Variants in MMS22L observed in about 807,000 individuals in gnomAD.
MMS22L encodes the protein MMS22 like, DNA repair protein, also known as protein MMS22-like.
Under a neutral mutation model 159.1 loss-of-function variants are expected in MMS22L, and 74 were observed. The observed-to-expected ratio is 0.47, with a 90% CI of 0.39 to 0.56. MMS22L has a LOEUF of 0.56. Among genes scored for constraint, MMS22L ranks in the 20% least tolerant of loss-of-function variants. The probability of loss-of-function intolerance (pLI) is 0.00; values close to 1 mark genes in which losing one functional copy is unlikely to be tolerated. For synonymous variants in MMS22L, 517 were observed against 506.9 expected, an observed-to-expected ratio of 1.02 and a Z score of -0.27; for missense variants, 1,351 against 1,422.1, an observed-to-expected ratio of 0.95 and a Z score of 0.80.
intron 14 of MMS22L, among the ~76,000 whole-genome samples, chr6:97,207,458 T>C (rs1562459172): frequency 6.6e-6 from 1 of 152,204 alleles, no homozygotes. Flanking sequence ...TACAACTATT[T>C]GCTTTAAAAA....
intron 14 of MMS22L, among the ~76,000 whole-genome samples, chr6:97,192,920 T>C (rs894526342): frequency 6.6e-6 from 1 of 152,206 alleles, no homozygotes; most frequent in Non-Finnish European, 1.5e-5. Flanking sequence ...ATGCTCTTAG[T>C]AAGCAGCAGA....
intron 14 of MMS22L, among the ~76,000 whole-genome samples, chr6:97,203,100 G>T (rs1462526917): frequency 6.6e-6 from 1 of 152,178 alleles, no homozygotes; most frequent in African/African-American, 2.4e-5. Context: ...ACTACTAGAA[G>T]AGACTTAAGC....
At chr6:97,190,302 A>AT (rs1805733982) in intron 14 of MMS22L, among the ~76,000 whole-genome samples, 1 of 152,194 alleles carries the variant, frequency 6.6e-6, no homozygotes, top group African/African-American at 2.4e-5. Context: ...ATGTAAGTAG[A>AT]TTTTTTGCAT....
At chr6:97,251,297 T>C (rs903553945) in intron 10 of MMS22L, among the ~76,000 whole-genome samples, 2 of 152,222 alleles carry the variant, frequency 1.3e-5, no homozygotes, top group South Asian at 4.1e-4. Context: ...ATTTAACCAC[T>C]GTGTATCTCA....
At chr6:97,179,644 A>T in intron 16 of MMS22L, 85 bp from the exon 17 acceptor site, 1 of 1,183,434 alleles carries the variant, frequency 8.4e-7, no homozygotes, top group Non-Finnish European at 1.1e-6. Flanking sequence ...ACATTCTAAC[A>T]TCCCTGCAAC....
At chr6:97,200,128 G>A (rs1806984618) in intron 14 of MMS22L, among the ~76,000 whole-genome samples, 1 of 152,052 alleles carries the variant, frequency 6.6e-6, no homozygotes, top group Non-Finnish European at 1.5e-5. Context: ...TGTTTAATAT[G>A]AATTCTATGT....
intron 14 of MMS22L, among the ~76,000 whole-genome samples, chr6:97,220,120 A>C: frequency 6.6e-6 from 1 of 152,148 alleles, no homozygotes; most frequent in East Asian, 1.9e-4. Context: ...TCTGGCCTGA[A>C]CCCTCAATTG....
At chr6:97,181,630 G>C (rs1011274697) in intron 16 of MMS22L, among the ~76,000 whole-genome samples, 7 of 152,042 alleles carry the variant, frequency 4.6e-5, no homozygotes, top group African/African-American at 1.7e-4. Flanking sequence ...GTGTAGAAAG[G>C]TCACTTCAGT....
chr6:97,175,732 C>T (rs1804047648), intron 18 of MMS22L, among the ~76,000 whole-genome samples: 1 of 152,150 alleles, frequency 6.6e-6, no homozygotes, highest in Admixed American at 6.5e-5. Flanking sequence ...TCGGGAAGCT[C>T]TCAAGATCAC....
intron 23 of MMS22L, among the ~76,000 whole-genome samples, chr6:97,151,179 C>T (rs182968225): frequency 2.6e-5 from 4 of 152,218 alleles, no homozygotes; most frequent in East Asian, 1.9e-4. Context: ...TCTAGGACCA[C>T]GTAATGACAT....
chr6:97,154,989 T>C (rs1212955110), intron 22 of MMS22L, among the ~76,000 whole-genome samples: 1 of 152,204 alleles, frequency 6.6e-6, no homozygotes, highest in African/African-American at 2.4e-5. Context: ...GCTATTAGTA[T>C]AGTCACTTAA....
In MMS22L at chr6:97,182,120, C is replaced by G; in HGVS notation, c.2234-66G>C. 1.4e-5 allele frequency: 18 copies of G among 1,327,382 alleles called. 1 individual carries two copies. The South Asian group carries it at 2.8e-4, about 21-fold the overall frequency. The allele number at this position is 1,327,382 out of a possible 1,614,324, so 82.2% of individuals were successfully genotyped here. ...AAAAACCATTTCTGACCCACACACC[C>G]CTGGCCAATTATAACAAGTGTTTTT... On this transcript the variant is annotated intron_variant, in intron 15 of 24. Transcript: ENST00000683635.
intron 14 of MMS22L, among the ~76,000 whole-genome samples, chr6:97,208,840 T>G (rs1452952033): frequency 1.3e-5 from 2 of 152,040 alleles, no homozygotes; most frequent in Non-Finnish European, 2.9e-5. Flanking sequence ...TGGTATAACT[T>G]TCTACTGGAG....
intron 14 of MMS22L, among the ~76,000 whole-genome samples, chr6:97,215,056 A>G (rs1455197703): frequency 2.0e-5 from 3 of 148,776 alleles, no homozygotes; most frequent in East Asian, 2.0e-4. Context: ...TCAACTTCCC[A>G]ATTTCTGATT....
chr6:97,173,911 G>A (rs1389611939), intron 18 of MMS22L, among the ~76,000 whole-genome samples: 2 of 152,004 alleles, frequency 1.3e-5, no homozygotes, highest in African/African-American at 2.4e-5. Context: ...AGGGGTGAAA[G>A]GTCACAAAAG....
At position 97,146,590 on chromosome 6, in the gene MMS22L, A is replaced by T. The variant is rs926639969; in HGVS notation, c.*216T>A. Reference sequence around the variant, plus strand: ...CTAAAATTTCATCAAGGTAGAATGCAGTTTTGTAAAAAGTTCCAAGGATCC... The same window carrying T: ...CTAAAATTTCATCAAGGTAGAATGCTGTTTTGTAAAAAGTTCCAAGGATCC... On this transcript the variant is annotated 3_prime_UTR_variant, in exon 25 of 25. Transcript: ENST00000683635. The T allele has an allele frequency of 3.0e-6, 1 of 336,624 alleles. No homozygotes were observed. The highest frequency in any genetic ancestry group is 2.2e-5 in the African/African-American group (1 of 46,176). 20.9% of individuals were successfully genotyped at this position (336,624 alleles called of 1,614,324 possible).
At position 97,145,047 on chromosome 6, in the gene MMS22L, CACACACACACACACACACAA is replaced by C. The variant is rs919031251; in HGVS notation, c.*1739_*1758del. The C allele has an allele frequency of 3.4e-5, 5 of 145,406 alleles. 1 individual carries two copies. Among genetic ancestry groups the C allele is most frequent in the South Asian group, 2.2e-4 (1 of 4,616 alleles). The allele number at this position is 145,406 out of a possible 1,614,324, so 9.0% of individuals were successfully genotyped here. On this transcript the variant is annotated 3_prime_UTR_variant, in exon 25 of 25. Coordinates refer to ENST00000683635, the MANE Select transcript of MMS22L (RefSeq NM_001350599.2). The stretch of plus-strand genomic sequence containing the variant: ...ACCCACACACACACACACACACACA[CACACACACACACACACACAA>C]AAACACATATACACATAAATAACCT...
At chr6:97,270,500 T>G in intron 6 of MMS22L, 1 of 289,736 alleles carries the variant, frequency 3.5e-6, no homozygotes, top group Non-Finnish European at 6.8e-6. Context: ...TGTATTAGTA[T>G]TCAAACTCAA....
chr6:97,247,944 A>C (rs1384565130), intron 10 of MMS22L, among the ~76,000 whole-genome samples: 1 of 152,190 alleles, frequency 6.6e-6, no homozygotes, highest in Non-Finnish European at 1.5e-5. Flanking sequence ...TAAATCAGTA[A>C]ATCAATATTT....
Sources: allele counts gnomAD v4.1 joint callset (sites outside exome capture counted in the v4.1 genomes callset), GRCh38; gene constraint gnomAD v4.1.1; transcripts MANE v1.5; gene names NCBI Gene and HGNC (gene_info 2026-07-23, HGNC 2026-07-21).